Variants in MPHOSPH9 observed in about 807,000 individuals in gnomAD.
The protein encoded by MPHOSPH9 is M-phase phosphoprotein 9.
Under a neutral mutation model 145.5 loss-of-function variants are expected in MPHOSPH9, and 88 were observed. The ratio of observed to expected loss-of-function variants is 0.60; its 90% CI spans 0.51 to 0.72. MPHOSPH9 has a LOEUF of 0.72. Among genes scored for constraint, MPHOSPH9 ranks in the 30% least tolerant of loss-of-function variants. The probability of loss-of-function intolerance (pLI) is 0.00; values close to 1 mark genes in which losing one functional copy is unlikely to be tolerated. For synonymous variants in MPHOSPH9, 435 were observed against 486.2 expected (o/e 0.89, Z 1.39); for missense variants, 1,238 against 1,386.6 (o/e 0.89, Z 1.70).
At chr12:123,217,230 G>A (rs902637861) in intron 6 of MPHOSPH9, among the ~76,000 whole-genome samples, 15 of 149,898 alleles carry the variant, frequency 1.0e-4, no homozygotes, top group South Asian at 2.1e-4. Context: ...ACGGAATCTC[G>A]CTCTTTTGCC....
intron 11 of MPHOSPH9, 62 bp from the exon 12 acceptor site, chr12:123,198,396 T>C (rs1303092229): frequency 2.3e-6 from 3 of 1,290,418 alleles, no homozygotes; most frequent in Admixed American, 2.2e-5. Flanking sequence ...AAGTATTACA[T>C]AAATCTAACC....
Position 123,165,663 on chromosome 12 carries a change from A to G in MPHOSPH9, c.2592-186T>C, listed in dbSNP as rs1220717910. On this transcript the variant is annotated intron_variant, in intron 17 of 23. Transcript: ENST00000606320. ...GGGTGAAGCCTCCAAGATGGGATTA[A>G]TGCCCTTATGAAAAAGGGAAAGAGG... The G allele has an allele frequency of 2.1e-5, 11 of 521,560 alleles. No individual in the cohort carries two copies. In the South Asian group the frequency reaches 3.6e-4, roughly 17 times the overall value. 32.3% of individuals were successfully genotyped at this position (521,560 alleles called of 1,614,324 possible).
chr12:123,193,066 T>A, intron 13 of MPHOSPH9, among the ~76,000 whole-genome samples: 1 of 94,620 alleles, frequency 1.1e-5, no homozygotes, highest in Non-Finnish European at 2.0e-5. Context: ...AGAGGGATTG[T>A]CTTTCAAAAA....
chr12:123,228,084 C>T (rs1478518737), intron 2 of MPHOSPH9, among the ~76,000 whole-genome samples: 3 of 152,244 alleles, frequency 2.0e-5, no homozygotes, highest in African/African-American at 7.2e-5. Context: ...TGCACTATCT[C>T]TGCATAAAAG....
At chr12:123,165,173 C>T (rs1426954616) in intron 18 of MPHOSPH9, 129 bp downstream of exon 18, 1 of 774,198 alleles carries the variant, frequency 1.3e-6, no homozygotes, top group African/African-American at 1.8e-5. Flanking sequence ...GCTGAAGTAG[C>T]AGTAAAATAG....
Position 123,227,542 on chromosome 12 carries a change from G to A in MPHOSPH9, c.179C>T (p.Thr60Ile). 1 of 1,532,730 alleles carries A rather than the reference G, an allele frequency of 6.5e-7. No homozygotes were observed. The allele number at this position is 1,532,730 out of a possible 1,614,324, so 94.9% of individuals were successfully genotyped here. ...CATTAAAGAAGTTAGGACTTCAACT[G>A]TACCTTGAATTACAGATGGTCTGGT... ...GKTRPSVIQGTVEVLTSLMQE... is the reference protein window; with the variant it reads ...GKTRPSVIQGIVEVLTSLMQE... The change falls in exon 3 of 24, where the codon ACA (threonine) becomes ATA (isoleucine). Residue 60 changes from threonine (T) to isoleucine (I), a missense_variant. Transcript: ENST00000606320.
At chr12:123,211,157 G>A (rs1266830758) in intron 7 of MPHOSPH9, among the ~76,000 whole-genome samples, 1 of 151,820 alleles carries the variant, frequency 6.6e-6, no homozygotes, top group East Asian at 1.9e-4. Context: ...GCTAATTTTT[G>A]TATTTTTAGT....
At chr12:123,204,221 G>C (rs1412047893) in intron 8 of MPHOSPH9, among the ~76,000 whole-genome samples, 2 of 151,688 alleles carry the variant, frequency 1.3e-5, no homozygotes, top group African/African-American at 4.8e-5. Context: ...AGAATCGCTT[G>C]AACCTGGAAG....
intron 23 of MPHOSPH9, 89 bp from the exon 24 acceptor site, chr12:123,156,997 G>T (rs1593047562): frequency 2.2e-6 from 2 of 891,022 alleles, no homozygotes; most frequent in Non-Finnish European, 3.4e-6. Flanking sequence ...TAGCAAAAGA[G>T]CAAGTATAAA....
intron 12 of MPHOSPH9, among the ~76,000 whole-genome samples, chr12:123,195,845 G>A (rs147519737): frequency 0.011 from 1,699 of 152,180 alleles, 22 homozygotes; most frequent in African/African-American, 0.038. Flanking sequence ...TTTAAGACCA[G>A]CCTGGGCGAC....
chr12:123,236,563 C>T (rs1249030416), upstream of MPHOSPH9, among the ~76,000 whole-genome samples: 1 of 150,696 alleles, frequency 6.6e-6, no homozygotes, highest in African/African-American at 2.4e-5. Flanking sequence ...CACTGCACTC[C>T]ACTTGGGTGA....
intron 13 of MPHOSPH9, among the ~76,000 whole-genome samples, chr12:123,191,221 T>C (rs1376286726): frequency 2.0e-5 from 3 of 152,116 alleles, no homozygotes; most frequent in African/African-American, 7.2e-5. Flanking sequence ...CTCAAGAGGC[T>C]GAGGCAGGAG....
At position 123,156,748 on chromosome 12, in the gene MPHOSPH9, A is replaced by G. The variant is rs1322497234; in HGVS notation, c.*59T>C. On this transcript the variant is annotated 3_prime_UTR_variant, in exon 24 of 24. Transcript: ENST00000606320. ...AGTACAAAATAGTTTGCCTTTTCTG[A>G]CTGCATAATTATACATTAGTGCAAA... 8 of 1,386,200 alleles carry G rather than the reference A, an allele frequency of 5.8e-6. No individual in the cohort carries two copies. The highest frequency in any genetic ancestry group is 8.1e-6 in the Non-Finnish European group (8 of 986,066). 85.9% of individuals were successfully genotyped at this position (1,386,200 alleles called of 1,614,324 possible).
intron 12 of MPHOSPH9, among the ~76,000 whole-genome samples, chr12:123,196,260 G>A (rs2045939422): frequency 6.6e-6 from 1 of 152,020 alleles, no homozygotes; most frequent in Admixed American, 6.6e-5. Context: ...TGAGGCAGGA[G>A]AATCCCTTGA....
At chr12:123,229,820 C>CT (rs2047570652) in intron 2 of MPHOSPH9, among the ~76,000 whole-genome samples, 1 of 94,450 alleles carries the variant, frequency 1.1e-5, no homozygotes, top group African/African-American at 2.8e-5. Context: ...TGTCCCCGAA[C>CT]ATTTTTTTTT....
chr12:123,242,956 ATTTTG>A (rs1169287416), intron 1 of MPHOSPH9, among the ~76,000 whole-genome samples: 1 of 152,202 alleles, frequency 6.6e-6, no homozygotes, highest in Non-Finnish European at 1.5e-5. Flanking sequence ...ACACAAATGA[ATTTTG>A]TTTTGTGGAT....
At chr12:123,196,205 C>T (rs1015661339) in intron 12 of MPHOSPH9, among the ~76,000 whole-genome samples, 1 of 152,030 alleles carries the variant, frequency 6.6e-6, no homozygotes, top group Non-Finnish European at 1.5e-5. Context: ...CAAAAATTAG[C>T]CGGGCTTGGT....
chr12:123,202,255 A>C lies in MPHOSPH9; in HGVS notation c.1846T>G (p.Ser616Ala), dbSNP rs1349055030. ...HIADLRAYYE[S>A]EINSLKQKLE... Reference sequence around the variant, plus strand: ...TTCTGTTTCAAACTATTTATTTCTGATTCATAATAAGCTCGAAGATCTGCT... The same window carrying C: ...TTCTGTTTCAAACTATTTATTTCTGCTTCATAATAAGCTCGAAGATCTGCT... Residue 616 changes from serine (S) to alanine (A), a missense_variant, in exon 11 of 24, where the codon TCA becomes GCA. By Grantham distance (99) the Ser-to-Ala change is moderately conservative. Around this residue, in one of 3 missense-constraint regions of MPHOSPH9, gnomAD observed 837 missense variants for 897.5 expected, o/e 0.93. Transcript: ENST00000606320. 6.2e-7 allele frequency: 1 copy of C among 1,613,260 alleles called. No homozygotes were observed. The highest frequency in any genetic ancestry group is 8.5e-7 in the Non-Finnish European group (1 of 1,179,796).
downstream of MPHOSPH9, chr12:123,154,140 C>T (rs990950115): frequency 5.3e-5 from 8 of 151,938 alleles, no homozygotes; most frequent in South Asian, 2.1e-4. Context: ...GGGGCAGATC[C>T]AGGCATCAGG....
Sources: gnomAD v4.1 joint callset for allele counts (sites outside exome capture counted in the v4.1 genomes callset) on GRCh38, gnomAD v4.1.1 for gene constraint, gnomAD v4.1.1 regional missense constraint, MANE v1.5 for transcripts, NCBI Gene and HGNC (gene_info 2026-07-23, HGNC 2026-07-21) for gene names.